CPNE4: variants seen among roughly 807,000 people sequenced by gnomAD.
CPNE4 encodes the protein copine 4, also known as copine-4.
Under a neutral mutation model 67.9 loss-of-function variants are expected in CPNE4, and 25 were observed. The ratio of observed to expected loss-of-function variants is 0.37; its 90% CI spans 0.27 to 0.51. The LOEUF is 0.51. Among genes scored for constraint, CPNE4 ranks in the 20% least tolerant of loss-of-function variants. The pLI is 0.93. For synonymous variants in CPNE4, 242 were observed against 244.9 expected, an observed-to-expected ratio of 0.99 and a Z score of 0.11; for missense variants, 464 against 690.8, an observed-to-expected ratio of 0.67 and a Z score of 3.68.
At chr3:131,848,965 A>C (rs2086118911) in intron 2 of CPNE4, among the ~76,000 whole-genome samples, 1 of 91,956 alleles carries the variant, frequency 1.1e-5, no homozygotes. Flanking sequence ...ACAAAAAAAA[A>C]AAAAAAAAAA....
intron 10 of CPNE4, among the ~76,000 whole-genome samples, chr3:131,570,159 G>A (rs963871438): frequency 2.6e-5 from 4 of 151,702 alleles, no homozygotes; most frequent in Admixed American, 2.6e-4. Flanking sequence ...AAGGAATACT[G>A]TAATTCATGT....
rs1219644221 is a variant in CPNE4, at chr3:131,575,199, A to G, written c.868-69T>C. On this transcript the variant is annotated intron_variant, in intron 9 of 15. Transcript: ENST00000429747. ...CTATTTCCTGATATATTGGAGGCCT[A>G]AAGGTTGGTGACTGATAAGCTGCTA... 2.2e-6 allele frequency: 3 copies of G among 1,372,910 alleles called. No homozygotes were observed. The African/African-American group carries it at 4.3e-5, about 20-fold the overall frequency. 85.0% of individuals were successfully genotyped at this position (1,372,910 alleles called of 1,614,324 possible). A position where few individuals can be genotyped will look rare whatever the true frequency, so the allele number is the denominator to read the frequency against.
chr3:131,763,694 T>C (rs73220478), intron 2 of CPNE4, among the ~76,000 whole-genome samples: 9,128 of 152,112 alleles, frequency 0.06, 346 homozygotes, highest in Non-Finnish European at 0.089. Context: ...AAGGAATAAA[T>C]AGTATTCTCC....
chr3:131,596,429 C>G (rs866238550), intron 7 of CPNE4, among the ~76,000 whole-genome samples: 1 of 117,672 alleles, frequency 8.5e-6, no homozygotes. Context: ...GAGACCATCC[C>G]GGCTAAAACG....
chr3:131,757,498 C>T (rs1052543689), intron 2 of CPNE4, among the ~76,000 whole-genome samples: 4 of 152,252 alleles, frequency 2.6e-5, no homozygotes, highest in African/African-American at 4.8e-5. Flanking sequence ...CAAGATGTGA[C>T]GTGGGTGCTG....
At chr3:131,894,983 G>A (rs1220861930) in intron 2 of CPNE4, among the ~76,000 whole-genome samples, 2 of 151,956 alleles carry the variant, frequency 1.3e-5, no homozygotes, top group Non-Finnish European at 2.9e-5. Flanking sequence ...ACGAATGAAT[G>A]GATAAGATAG....
chr3:131,813,427 T>A (rs937951023), intron 2 of CPNE4, among the ~76,000 whole-genome samples: 3 of 149,574 alleles, frequency 2.0e-5, no homozygotes, highest in Non-Finnish European at 4.4e-5. Flanking sequence ...TATGTGTGTA[T>A]ACATACAATA....
chr3:131,833,877 C>T (rs2085465022), intron 2 of CPNE4, among the ~76,000 whole-genome samples: 1 of 152,104 alleles, frequency 6.6e-6, no homozygotes, highest in African/African-American at 2.4e-5. Flanking sequence ...TATAGTGCTG[C>T]AAGAGGAAAT....
At chr3:131,786,817 T>C (rs1335752836) in intron 2 of CPNE4, among the ~76,000 whole-genome samples, 1 of 152,136 alleles carries the variant, frequency 6.6e-6, no homozygotes, top group Non-Finnish European at 1.5e-5. Context: ...GCTCTGTAAA[T>C]ATTAGGTGTT....
At chr3:131,605,704 G>A (rs942396499) in intron 7 of CPNE4, among the ~76,000 whole-genome samples, 1 of 152,072 alleles carries the variant, frequency 6.6e-6, no homozygotes, top group Non-Finnish European at 1.5e-5. Flanking sequence ...TGTGACACTG[G>A]AAAGATTATA....
chr3:131,690,523 A>G (rs897626854), intron 5 of CPNE4, among the ~76,000 whole-genome samples: 1 of 152,172 alleles, frequency 6.6e-6, no homozygotes, highest in Non-Finnish European at 1.5e-5. Flanking sequence ...ACATTTCACC[A>G]TATACAAAAA....
rs779156685 is a variant in CPNE4, at chr3:131,581,681, T to C, written c.781-16A>G. Reference sequence around the variant, plus strand: ...CCCACTGCACCTGAAAGAAGGGTCATAGCATGAGAATCTGTTCAGGAAAAA... The same window carrying C: ...CCCACTGCACCTGAAAGAAGGGTCACAGCATGAGAATCTGTTCAGGAAAAA... On this transcript the variant is annotated splice_polypyrimidine_tract_variant and intron_variant, in intron 8 of 15. Transcript: ENST00000429747. 29 of 1,581,674 alleles carry C rather than the reference T, an allele frequency of 1.8e-5. 1 individual carries two copies. In the South Asian group the frequency reaches 2.1e-4, roughly 11 times the overall value.
intron 7 of CPNE4, among the ~76,000 whole-genome samples, chr3:131,611,318 C>T (rs190735534): frequency 2.6e-5 from 4 of 152,006 alleles, no homozygotes; most frequent in Non-Finnish European, 5.9e-5. Context: ...TTTGCTATAC[C>T]CTTATTTATA....
intron 2 of CPNE4, among the ~76,000 whole-genome samples, chr3:131,767,248 G>A (rs957456130): frequency 7.3e-5 from 9 of 123,100 alleles, no homozygotes; most frequent in African/African-American, 2.8e-4. Flanking sequence ...TGTGGAAGGT[G>A]CTAAGTGTGA....
chr3:131,864,259 T>C (rs2086832140), intron 2 of CPNE4, among the ~76,000 whole-genome samples: 2 of 151,662 alleles, frequency 1.3e-5, no homozygotes, highest in Admixed American at 1.3e-4. Context: ...ATTGGTAGCT[T>C]GATGGGGATG....
intron 1 of CPNE4, among the ~76,000 whole-genome samples, chr3:131,986,139 T>A (rs904130155): frequency 1.3e-5 from 2 of 151,234 alleles, no homozygotes; most frequent in Admixed American, 1.3e-4. Flanking sequence ...ATTTTACAAC[T>A]GCTTTAACCA....
intron 2 of CPNE4, among the ~76,000 whole-genome samples, chr3:131,901,673 G>T (rs562751473): frequency 6.6e-6 from 1 of 152,004 alleles, no homozygotes; most frequent in Non-Finnish European, 1.5e-5. Flanking sequence ...GGCAGGGCTG[G>T]AAATGTTGCC....
At chr3:131,908,824 T>A (rs957237174) in intron 1 of CPNE4, among the ~76,000 whole-genome samples, 1 of 152,152 alleles carries the variant, frequency 6.6e-6, no homozygotes, top group Non-Finnish European at 1.5e-5. Context: ...TGACCATGTA[T>A]CCTTGGGCAG....
At chr3:131,956,665 A>C (rs2071983287) in intron 1 of CPNE4, among the ~76,000 whole-genome samples, 1 of 152,198 alleles carries the variant, frequency 6.6e-6, no homozygotes, top group Non-Finnish European at 1.5e-5. Context: ...AATATCCAAA[A>C]ATAATTGAGA....
Sources: allele counts gnomAD v4.1 joint callset (sites outside exome capture counted in the v4.1 genomes callset), GRCh38; gene constraint gnomAD v4.1.1; transcripts MANE v1.5; gene names NCBI Gene and HGNC (gene_info 2026-07-23, HGNC 2026-07-21).